LRP1B: variants seen among roughly 807,000 people sequenced by gnomAD.
The protein encoded by LRP1B is low-density lipoprotein receptor-related protein 1B.
A neutral mutation model predicts 556.6 loss-of-function variants in LRP1B; 217 were observed. That is an observed-to-expected ratio of 0.39 (90% CI 0.35 to 0.44). LRP1B has a LOEUF of 0.44. LRP1B is among the 20% of genes least tolerant of loss of function. The pLI is 1.00. For missense variants in LRP1B, 5,053 were observed against 5,620.8 expected, an observed-to-expected ratio of 0.90 and a Z score of 3.23; for synonymous variants, 2,047 against 1,865.8, an observed-to-expected ratio of 1.10 and a Z score of -2.50.
chr2:140,416,421 T>G (rs749453669), intron 66 of LRP1B, among the ~76,000 whole-genome samples: 2 of 152,062 alleles, frequency 1.3e-5, no homozygotes, highest in Admixed American at 6.5e-5. Flanking sequence ...TTGGGGAGGC[T>G]GAGGTGGGCA....
intron 15 of LRP1B, among the ~76,000 whole-genome samples, chr2:140,999,680 G>C (rs935463319): frequency 3.9e-5 from 6 of 152,006 alleles, no homozygotes; most frequent in African/African-American, 1.4e-4. Context: ...ACTGAAGCGT[G>C]TGCTTAGCTA....
At chr2:140,504,138 G>C (rs942416991) in intron 53 of LRP1B, among the ~76,000 whole-genome samples, 1 of 151,892 alleles carries the variant, frequency 6.6e-6, no homozygotes, top group Non-Finnish European at 1.5e-5. Flanking sequence ...CCACTTACTT[G>C]CCTGCAGTTC....
intron 2 of LRP1B, among the ~76,000 whole-genome samples, chr2:141,583,249 G>A (rs1343937846): frequency 6.6e-6 from 1 of 152,168 alleles, no homozygotes; most frequent in African/African-American, 2.4e-5. Context: ...GGAATGAGTA[G>A]CAAGCTGAAT....
chr2:140,561,671 A>T (rs1680935547), intron 43 of LRP1B, among the ~76,000 whole-genome samples: 1 of 152,146 alleles, frequency 6.6e-6, no homozygotes. Context: ...ATAAACTCAT[A>T]TAAGTAAAGA....
intron 1 of LRP1B, among the ~76,000 whole-genome samples, chr2:141,914,371 T>G (rs994818829): frequency 3.3e-5 from 5 of 152,210 alleles, no homozygotes; most frequent in Non-Finnish European, 7.3e-5. Context: ...AAAGGTGTTT[T>G]TAAGTAGGTT....
intron 32 of LRP1B, among the ~76,000 whole-genome samples, chr2:140,789,662 G>T (rs890955048): frequency 9.0e-6 from 1 of 111,638 alleles, no homozygotes; most frequent in Non-Finnish European, 1.7e-5. Flanking sequence ...ACGGAGTCTC[G>T]CTCTGTCGCC....
At chr2:140,324,638 T>G (rs571223856) in intron 80 of LRP1B, among the ~76,000 whole-genome samples, 1 of 152,214 alleles carries the variant, frequency 6.6e-6, no homozygotes, top group Non-Finnish European at 1.5e-5. Context: ...TAGTAACCAT[T>G]ATTTTCACAT....
chr2:140,911,021 A>G (rs1427476028), intron 21 of LRP1B, among the ~76,000 whole-genome samples: 1 of 151,862 alleles, frequency 6.6e-6, no homozygotes, highest in Non-Finnish European at 1.5e-5. Context: ...AACAATTTAA[A>G]TAATTACTGC....
At chr2:141,781,111 A>G (rs996510304) in intron 2 of LRP1B, among the ~76,000 whole-genome samples, 1 of 152,052 alleles carries the variant, frequency 6.6e-6, no homozygotes, top group African/African-American at 2.4e-5. Context: ...ATTTCTGCCT[A>G]TTTCTCCATT....
chr2:141,429,053 C>T (rs1469751795), intron 3 of LRP1B, among the ~76,000 whole-genome samples: 2 of 152,134 alleles, frequency 1.3e-5, no homozygotes, highest in African/African-American at 4.8e-5. Context: ...CACATTCACT[C>T]TTACCATACA....
At chr2:140,536,911 C>A (rs1233512270) in intron 45 of LRP1B, among the ~76,000 whole-genome samples, 1 of 151,344 alleles carries the variant, frequency 6.6e-6, no homozygotes, top group Admixed American at 6.6e-5. Context: ...CGGTGGCTCA[C>A]GCCTGTAATC....
intron 1 of LRP1B, among the ~76,000 whole-genome samples, chr2:141,896,482 T>C (rs1009236634): frequency 6.6e-6 from 1 of 152,194 alleles, no homozygotes; most frequent in Non-Finnish European, 1.5e-5. Flanking sequence ...GTTTATGTAC[T>C]AAATGACCCA....
intron 66 of LRP1B, among the ~76,000 whole-genome samples, chr2:140,393,835 C>A (rs765148278): frequency 1.4e-4 from 21 of 152,144 alleles, no homozygotes; most frequent in Admixed American, 3.3e-4. Context: ...AAGACCTCAT[C>A]TTCTCTTGGG....
intron 86 of LRP1B, among the ~76,000 whole-genome samples, chr2:140,248,770 C>T (rs927267996): frequency 1.3e-5 from 2 of 150,922 alleles, no homozygotes; most frequent in African/African-American, 4.9e-5. Flanking sequence ...ACGGGTAGTT[C>T]AAAATAATAT....
chr2:140,890,877 G>T (rs994965810), intron 23 of LRP1B, among the ~76,000 whole-genome samples: 4 of 151,944 alleles, frequency 2.6e-5, no homozygotes, highest in African/African-American at 9.7e-5. Flanking sequence ...AATAAATGAA[G>T]AATTTTCTAG....
intron 2 of LRP1B, among the ~76,000 whole-genome samples, chr2:141,681,682 T>A (rs1691110393): frequency 6.6e-6 from 1 of 152,146 alleles, no homozygotes; most frequent in Non-Finnish European, 1.5e-5. Context: ...ACTAAGGATA[T>A]AAGATGCAGC....
intron 3 of LRP1B, among the ~76,000 whole-genome samples, chr2:141,434,376 T>C (rs10182134): frequency 0.44 from 67,264 of 151,764 alleles, 15,635 homozygotes; most frequent in East Asian, 0.69. Flanking sequence ...ACTGTTGAGC[T>C]CCTCTAGTGA....
intron 1 of LRP1B, among the ~76,000 whole-genome samples, chr2:141,894,406 G>T (rs988967524): frequency 1.3e-5 from 2 of 151,414 alleles, no homozygotes; most frequent in East Asian, 3.9e-4. Context: ...GTGACAGAGT[G>T]GGCTACCAGG....
intron 17 of LRP1B, among the ~76,000 whole-genome samples, chr2:140,983,849 T>C (rs1696843065): frequency 6.6e-6 from 1 of 152,024 alleles, no homozygotes; most frequent in African/African-American, 2.4e-5. Flanking sequence ...ATTCATCATT[T>C]ATTTTAAATT....
Sources: gnomAD v4.1 joint callset for allele counts (sites outside exome capture counted in the v4.1 genomes callset) on GRCh38, gnomAD v4.1.1 for gene constraint, MANE v1.5 for transcripts, NCBI Gene and HGNC (gene_info 2026-07-23, HGNC 2026-07-21) for gene names.